RIN3: variants seen among roughly 807,000 people sequenced by gnomAD.
RIN3 encodes the protein RAB5 interacting protein 3.
In RIN3, 54 loss-of-function variants were observed where a neutral mutation model predicts 76.3. That is an observed-to-expected ratio of 0.71 (90% CI 0.57 to 0.89). The LOEUF is 0.89. Among genes scored for constraint, RIN3 ranks in the 40% least tolerant of loss-of-function variants. RIN3 has a pLI of 0.00. For missense variants in RIN3, 1,256 were observed against 1,322.1 expected, an observed-to-expected ratio of 0.95 and a Z score of 0.78; for synonymous variants, 576 against 564.0, an observed-to-expected ratio of 1.02 and a Z score of -0.30.
At chr14:92,575,994 C>T (rs2140057515) in intron 2 of RIN3, among the ~76,000 whole-genome samples, 1 of 152,290 alleles carries the variant, frequency 6.6e-6, no homozygotes, top group Middle Eastern at 3.4e-3. Context: ...CTTGGCCAGA[C>T]ACCTAGTTTT....
chr14:92,561,457 C>T (rs148629104), intron 2 of RIN3, among the ~76,000 whole-genome samples: 77 of 151,892 alleles, frequency 5.1e-4, no homozygotes, highest in African/African-American at 1.7e-3. Context: ...GCAAGGCAAC[C>T]AAATAGCCAC....
Position 92,552,686 on chromosome 14 carries a change from T to C in RIN3, c.45-3065T>C, listed in dbSNP as rs1269602810. The stretch of plus-strand genomic sequence containing the variant: ...CCAGATACCTGCAGCCAGGCACTTA[T>C]TCCACAGTCACCTTTTCCGGGTGTC... On this transcript the variant is annotated intron_variant, in intron 1 of 9. Coordinates refer to ENST00000216487, the MANE Select transcript of RIN3 (RefSeq NM_024832.5). Among the ~76,000 whole-genome samples, 6 of 152,210 alleles carry C rather than the reference T, an allele frequency of 3.9e-5. 1 individual carries two copies. In the East Asian group the frequency reaches 7.7e-4, roughly 20 times the overall value.
chr14:92,640,217 TGC>T (rs1566880857), intron 4 of RIN3, among the ~76,000 whole-genome samples: 4 of 116,882 alleles, frequency 3.4e-5, no homozygotes, highest in South Asian at 3.4e-4. Context: ...TGCCTGACTG[TGC>T]GTTTGCTGGG....
intron 1 of RIN3, among the ~76,000 whole-genome samples, chr14:92,522,307 C>T (rs1896622322): frequency 6.6e-6 from 1 of 150,654 alleles, no homozygotes; most frequent in East Asian, 1.9e-4. Flanking sequence ...GGGCTCTCAC[C>T]TGTATGTATG....
intron 7 of RIN3, among the ~76,000 whole-genome samples, chr14:92,672,393 C>T (rs981275103): frequency 1.3e-5 from 2 of 152,156 alleles, no homozygotes; most frequent in African/African-American, 4.8e-5. Context: ...GCCTGGGCGA[C>T]AAGAGCAAGA....
intron 8 of RIN3, among the ~76,000 whole-genome samples, chr14:92,682,571 T>C (rs931191210): frequency 5.9e-5 from 9 of 152,176 alleles, no homozygotes; most frequent in Non-Finnish European, 1.2e-4. Flanking sequence ...AGAAGACAGC[T>C]GCAGTGCCCC....
rs1238775991 is a variant in RIN3 at position 92,677,573 on chromosome 14, A to G, written c.2467+967A>G. ...TGTTAAAGCCATGACGTTTGCTGTCATATATAACTTTGGCTAGTGGCACTG... is the reference window on the plus strand; with the variant it reads ...TGTTAAAGCCATGACGTTTGCTGTCGTATATAACTTTGGCTAGTGGCACTG... On this transcript the variant is annotated intron_variant, in intron 8 of 9. Coordinates refer to ENST00000216487, the MANE Select transcript of RIN3 (RefSeq NM_024832.5). 2.0e-5 allele frequency among the ~76,000 whole-genome samples: 3 copies of G among 151,896 alleles called. 1 individual carries two copies. Among genetic ancestry groups the G allele is most frequent in the Admixed American group, 2.0e-4 (3 of 15,262 alleles).
At chr14:92,651,498 G>GGCCCC in intron 5 of RIN3, 84 bp from the exon 6 acceptor site, 3 of 707,774 alleles carry the variant, frequency 4.2e-6, no homozygotes, top group Non-Finnish European at 6.8e-6. Flanking sequence ...CCCACCCGTG[G>GGCCCC]ACCCCGCCCA....
At chr14:92,546,121 C>T (rs1465447919) in intron 1 of RIN3, among the ~76,000 whole-genome samples, 1 of 152,082 alleles carries the variant, frequency 6.6e-6, no homozygotes, top group Non-Finnish European at 1.5e-5. Context: ...GACAGGGTTT[C>T]ACCGTGTTGG....
chr14:92,583,166 G>A (rs1884621393), intron 3 of RIN3, among the ~76,000 whole-genome samples: 1 of 152,230 alleles, frequency 6.6e-6, no homozygotes, highest in Non-Finnish European at 1.5e-5. Flanking sequence ...TGAGGGGGAA[G>A]TGGTCAAGGG....
At chr14:92,580,971 G>T (rs1356793435) in intron 3 of RIN3, among the ~76,000 whole-genome samples, 1 of 152,234 alleles carries the variant, frequency 6.6e-6, no homozygotes, top group Admixed American at 6.5e-5. Context: ...TAGGGTTGGG[G>T]CAAATCATTT....
rs114423574 is a variant in RIN3 at position 92,555,246 on chromosome 14, C to G, written c.45-505C>G. 1.8e-3 allele frequency among the ~76,000 whole-genome samples: 272 copies of G among 152,336 alleles called. 1 individual carries two copies. The highest frequency in any genetic ancestry group is 6.4e-3 in the African/African-American group (266 of 41,568). Reference sequence around the variant, plus strand: ...TCAAATGCCACTCGTTTTCCTGAACCCATCCCGGGTTGCAGTGAGCTGCTT... The same window carrying G: ...TCAAATGCCACTCGTTTTCCTGAACGCATCCCGGGTTGCAGTGAGCTGCTT... On this transcript the variant is annotated intron_variant, in intron 1 of 9. Coordinates refer to ENST00000216487, the MANE Select transcript of RIN3 (RefSeq NM_024832.5).
intron 5 of RIN3, among the ~76,000 whole-genome samples, chr14:92,649,765 AAG>A (rs1419220001): frequency 6.6e-6 from 1 of 152,180 alleles, no homozygotes; most frequent in East Asian, 1.9e-4. Context: ...GCACATTGGA[AAG>A]AGTCACAGGA....
intron 3 of RIN3, among the ~76,000 whole-genome samples, chr14:92,614,541 C>T (rs1208303633): frequency 6.6e-6 from 1 of 152,130 alleles, no homozygotes; most frequent in African/African-American, 2.4e-5. Context: ...CCAAATCTCA[C>T]CTTGAATTAT....
At chr14:92,636,959 G>A (rs752672531) in intron 4 of RIN3, among the ~76,000 whole-genome samples, 25 of 152,076 alleles carry the variant, frequency 1.6e-4, no homozygotes, top group Non-Finnish European at 3.1e-4. Context: ...GCACGCGTAT[G>A]TGTACATTAA....
Position 92,688,348 on chromosome 14 carries a change from C to A in RIN3, c.*96C>A. On this transcript the variant is annotated 3_prime_UTR_variant, in exon 10 of 10. Coordinates refer to ENST00000216487, the MANE Select transcript of RIN3 (RefSeq NM_024832.5). ...CCGCGACGTCCACGCAGCAGAGGGACATGGGCCATTCCATGACGTGCCCAG... is the reference window on the plus strand; with the variant it reads ...CCGCGACGTCCACGCAGCAGAGGGAAATGGGCCATTCCATGACGTGCCCAG... 8.3e-7 allele frequency: 1 copy of A among 1,208,618 alleles called. No individual in the cohort carries two copies. The highest frequency in any genetic ancestry group is 1.1e-6 in the Non-Finnish European group (1 of 892,136). 74.9% of individuals were successfully genotyped at this position (1,208,618 alleles called of 1,614,324 possible).
intron 3 of RIN3, among the ~76,000 whole-genome samples, chr14:92,584,824 G>A (rs1022422490): frequency 1.5e-4 from 23 of 152,144 alleles, no homozygotes; most frequent in East Asian, 9.6e-4. Flanking sequence ...AGGTGATGGC[G>A]TCTTTCTGCT....
chr14:92,555,911 G>A lies in RIN3; in HGVS notation c.205G>A (p.Gly69Ser). ...CCCGGTGTGGCTGCAGCTGAGTCTG[G>A]GCCAGGCAGAGGTGGCCAGGATCCT... is the stretch of plus-strand genomic sequence containing the variant. Reference protein sequence around the residue: ...TCPVWLQLSLGQAEVARILHR... With the variant: ...TCPVWLQLSLSQAEVARILHR... The change falls in exon 2 of 10, where the codon GGC becomes AGC. Residue 69 changes from glycine to serine, a missense_variant. Gly to Ser is a moderately conservative substitution (Grantham distance 56, BLOSUM62 0). This residue lies in a region of RIN3 where 610 missense variants were observed against 626.4 expected (regional missense o/e 0.97). Transcript: ENST00000216487. The A allele has an allele frequency of 6.2e-7, 1 of 1,613,700 alleles. No homozygotes were observed. The highest frequency in any genetic ancestry group is 8.5e-7 in the Non-Finnish European group (1 of 1,180,012).
At position 92,647,821 on chromosome 14, in the gene RIN3, T is replaced by C. The variant is rs145116197; in HGVS notation, c.533-3761T>C. The stretch of plus-strand genomic sequence containing the variant: ...TGATGTGGCCCAGGTTCTCTGAGGG[T>C]AGAAAGAGTGGGCATCTGGCAAGAG... On this transcript the variant is annotated intron_variant, in intron 5 of 9. Transcript: ENST00000216487. 1.6e-4 allele frequency among the ~76,000 whole-genome samples: 24 copies of C among 152,150 alleles called. No individual in the cohort carries two copies. In the East Asian group the frequency reaches 4.6e-3, roughly 29 times the overall value.
Sources: gnomAD v4.1 joint callset for allele counts (sites outside exome capture counted in the v4.1 genomes callset) on GRCh38, gnomAD v4.1.1 for gene constraint, gnomAD v4.1.1 regional missense constraint, MANE v1.5 for transcripts, NCBI Gene and HGNC (gene_info 2026-07-23, HGNC 2026-07-21) for gene names.